Variants in ZNF66 observed in about 807,000 individuals in gnomAD.
The protein encoded by ZNF66 is zinc finger protein 66, also known as putative zinc finger protein 66.
A neutral mutation model predicts 35.2 loss-of-function variants in ZNF66; 32 were observed. The ratio of observed to expected loss-of-function variants is 0.91; its 90% confidence interval spans 0.69 to 1.22. The LOEUF (loss-of-function observed/expected upper bound fraction) is 1.22. Ranked by LOEUF, ZNF66 falls within the 50% of genes most tolerant of loss-of-function variation. The pLI is 0.00. For missense variants in ZNF66, 666 were observed against 543.1 expected (o/e 1.23, Z -2.25); for synonymous variants, 231 against 181.3 (o/e 1.27, Z -2.20).
intron 1 of ZNF66, among the ~76,000 whole-genome samples, chr19:20,777,599 T>C (rs903210223): frequency 2.6e-5 from 4 of 151,732 alleles, no homozygotes; most frequent in Admixed American, 2.6e-4. Flanking sequence ...GGGCCTCAAG[T>C]GTCCCCCATG....
intron 1 of ZNF66, among the ~76,000 whole-genome samples, chr19:20,786,621 G>T (rs1459855360): frequency 6.6e-6 from 1 of 152,000 alleles, no homozygotes; most frequent in African/African-American, 2.4e-5. Context: ...AGTCCTTTTG[G>T]TTATCAAACT....
Position 20,808,086 on chromosome 19 carries a change from G to T in ZNF66, c.*764G>T, listed in dbSNP as rs1210415219. Among the ~76,000 whole-genome samples the T allele has an allele frequency of 6.7e-6, 1 of 149,472 alleles. No homozygotes were observed. The highest frequency in any genetic ancestry group is 2.0e-4 in the East Asian group (1 of 5,104). ...CTGCAGCTGGCTCAGAGGGTCCTATGCCCATGGAGTCTCACTGATTGCTAG... is the reference window on the plus strand; with the variant it reads ...CTGCAGCTGGCTCAGAGGGTCCTATTCCCATGGAGTCTCACTGATTGCTAG... On this transcript the variant is annotated 3_prime_UTR_variant, in exon 4 of 4. Transcript: ENST00000344519.
intron 1 of ZNF66, among the ~76,000 whole-genome samples, chr19:20,777,114 T>TAA (rs767934089): frequency 1.0e-3 from 95 of 94,958 alleles, no homozygotes; most frequent in Middle Eastern, 5.7e-3. Context: ...GACTCTTGTC[T>TAA]AAAAAAAAAA....
At chr19:20,792,344 G>A (rs570437793) in intron 1 of ZNF66, among the ~76,000 whole-genome samples, 168 bp from the exon 2 acceptor site, 1 of 151,398 alleles carries the variant, frequency 6.6e-6, no homozygotes, top group African/African-American at 2.4e-5. Context: ...CTCAGAGTTA[G>A]AGAATACTTT....
intron 3 of ZNF66, among the ~76,000 whole-genome samples, chr19:20,799,973 A>C (rs1484519856): frequency 2.0e-5 from 3 of 152,154 alleles, no homozygotes; most frequent in Admixed American, 1.3e-4. Flanking sequence ...AGTTTCATAA[A>C]GTTTTTGTTA....
At chr19:20,798,464 G>A (rs2144909541) in intron 3 of ZNF66, among the ~76,000 whole-genome samples, 1 of 152,150 alleles carries the variant, frequency 6.6e-6, no homozygotes, top group African/African-American at 2.4e-5. Flanking sequence ...CAGGCATGGT[G>A]GTGTGCAGCT....
chr19:20,795,095 A>T, intron 3 of ZNF66, among the ~76,000 whole-genome samples: 1 of 151,918 alleles, frequency 6.6e-6, no homozygotes. Flanking sequence ...GGCTGGTCTC[A>T]AACTCCTGAC....
intron 3 of ZNF66, among the ~76,000 whole-genome samples, chr19:20,795,122 G>T (rs1410867688): frequency 6.6e-6 from 1 of 151,890 alleles, no homozygotes; most frequent in Non-Finnish European, 1.5e-5. Flanking sequence ...TGATCTGCCC[G>T]CCTCTGCCTC....
At chr19:20,783,725 T>C (rs1282202197) in intron 1 of ZNF66, among the ~76,000 whole-genome samples, 2 of 152,230 alleles carry the variant, frequency 1.3e-5, no homozygotes, top group Non-Finnish European at 2.9e-5. Flanking sequence ...ATACTGCAAA[T>C]GCAAGAACAG....
Position 20,793,846 on chromosome 19 carries a change from T to TGAA in ZNF66, c.195_196insAAG (p.Met65_Gln66insLys). 1.7e-6 allele frequency: 2 copies of TGAA among 1,184,696 alleles called. No homozygotes were observed. The highest frequency in any genetic ancestry group is 2.4e-6 in the Non-Finnish European group (2 of 840,918). 73.4% of individuals were successfully genotyped at this position (1,184,696 alleles called of 1,614,324 possible). A position where few individuals can be genotyped will look rare whatever the true frequency, so the allele number is the denominator to read the frequency against. On this transcript the variant is annotated inframe_insertion, in exon 3 of 4. Coordinates refer to ENST00000344519, the MANE Select transcript of ZNF66 (RefSeq NM_001355197.2). ...GAGCAAGGAAAAAAACCTTCGACTATGCAGAGACATGAGATGGTAGCCAAC... is the reference window on the plus strand; with the variant it reads ...GAGCAAGGAAAAAAACCTTCGACTATGAAGCAGAGACATGAGATGGTAGCCAAC...
intron 3 of ZNF66, chr19:20,794,098 T>C: frequency 1.8e-6 from 1 of 571,000 alleles, no homozygotes; most frequent in Non-Finnish European, 3.1e-6. Context: ...AATTCTACTT[T>C]TCTCTCAGTG....
intron 3 of ZNF66, among the ~76,000 whole-genome samples, chr19:20,805,229 C>A (rs1215330303): frequency 1.3e-5 from 2 of 152,080 alleles, no homozygotes; most frequent in Non-Finnish European, 2.9e-5. Flanking sequence ...GAGTCTCACT[C>A]TGTCACCCAG....
intron 3 of ZNF66, among the ~76,000 whole-genome samples, chr19:20,802,553 C>G (rs1194607096): frequency 6.6e-6 from 1 of 152,098 alleles, no homozygotes; most frequent in African/African-American, 2.4e-5. Flanking sequence ...AGAAAGTAAT[C>G]TATAAAATTT....
intron 3 of ZNF66, among the ~76,000 whole-genome samples, chr19:20,805,124 TGTGAGAGAGAGA>T (rs1971488251): frequency 6.9e-6 from 1 of 144,472 alleles, no homozygotes. Context: ...TGTGTGTGTG[TGTGAGAGAGAGA>T]GAGAGAGAGA....
intron 3 of ZNF66, among the ~76,000 whole-genome samples, chr19:20,799,921 A>G (rs1012829721): frequency 7.2e-5 from 11 of 152,284 alleles, no homozygotes; most frequent in Admixed American, 1.3e-4. Context: ...TCATATTCAC[A>G]TATTTGTGAA....
chr19:20,800,194 G>C (rs1256247978), intron 3 of ZNF66, among the ~76,000 whole-genome samples: 6 of 152,116 alleles, frequency 3.9e-5, no homozygotes. Context: ...TTGTTTGCTA[G>C]TTTATAGTGT....
At chr19:20,792,471 C>A in intron 1 of ZNF66, 41 bp from the exon 2 acceptor site, 1 of 1,460,546 alleles carries the variant, frequency 6.8e-7, no homozygotes, top group Non-Finnish European at 9.4e-7. Flanking sequence ...AAATTCCGCC[C>A]ATAACCACTT....
intron 1 of ZNF66, chr19:20,784,641 C>G (rs1211324091): frequency 6.6e-6 from 1 of 152,100 alleles, no homozygotes; most frequent in Non-Finnish European, 1.5e-5. Flanking sequence ...CAATATAGAA[C>G]CCCCATTCAA....
chr19:20,799,784 C>A (rs1971431177), intron 3 of ZNF66, among the ~76,000 whole-genome samples: 1 of 151,204 alleles, frequency 6.6e-6, no homozygotes, highest in African/African-American at 2.5e-5. Flanking sequence ...CTATTCTGTT[C>A]TTTTATCTGT....
Sources: allele counts gnomAD v4.1 joint callset (sites outside exome capture counted in the v4.1 genomes callset), GRCh38; gene constraint gnomAD v4.1.1; transcripts MANE v1.5; gene names NCBI Gene and HGNC (gene_info 2026-07-23, HGNC 2026-07-21).